The following ART1 variants were observed in gnomAD, a reference collection of about 807,000 sequenced individuals.
ART1 encodes GPI-linked NAD(P)(+)--arginine ADP-ribosyltransferase 1.
In ART1, 29 loss-of-function variants were observed where a neutral mutation model predicts 27.0. That is an observed-to-expected ratio of 1.08 (90% CI 0.80 to 1.47). The LOEUF is 1.47. Among genes scored for constraint, ART1 ranks in the 40% most tolerant of loss-of-function variants. The pLI is 0.00. For missense variants in ART1, 480 were observed against 423.0 expected (o/e 1.13, Z -1.18); for synonymous variants, 201 against 172.2 (o/e 1.17, Z -1.31).
Position 3,663,081 on chromosome 11 carries a change from C to CA in ART1, c.887-1011_887-1010insA, listed in dbSNP as rs770791471. Among the ~76,000 whole-genome samples, 164 of 92,878 alleles carry CA rather than the reference C, an allele frequency of 1.8e-3. 2 individuals are homozygous for CA. The highest frequency in any genetic ancestry group is 0.01 in the Middle Eastern group (2 of 192). The allele number at this position is 92,878 out of a possible 152,430, so 60.9% of individuals were successfully genotyped here. A position where few individuals can be genotyped will look rare whatever the true frequency, so the allele number is the denominator to read the frequency against. The stretch of plus-strand genomic sequence containing the variant: ...ATCTCATCTCATCTCATCTCATCAT[C>CA]TCATCTCATCATCTCATCTCATCTC... On this transcript the variant is annotated intron_variant, in intron 4 of 4. Coordinates refer to ENST00000250693, the MANE Select transcript of ART1 (RefSeq NM_004314.3).
chr11:3,657,444 G>A (rs987849152), intron 1 of ART1, among the ~76,000 whole-genome samples: 1 of 152,080 alleles, frequency 6.6e-6, no homozygotes, highest in African/African-American at 2.4e-5. Context: ...GCATCGTGAT[G>A]TGTGCCTGTA....
chr11:3,651,104 C>G (rs1385839730), intron 1 of ART1, among the ~76,000 whole-genome samples: 1 of 151,830 alleles, frequency 6.6e-6, no homozygotes, highest in East Asian at 1.9e-4. Context: ...AATTGTTTTG[C>G]CTATCCACCC....
intron 1 of ART1, among the ~76,000 whole-genome samples, chr11:3,651,197 T>C (rs2077519298): frequency 7.0e-6 from 1 of 143,624 alleles, no homozygotes; most frequent in African/African-American, 2.6e-5. Flanking sequence ...CAAACATGCT[T>C]TCTTTACTAT....
At chr11:3,652,803 C>T (rs1426648114) in intron 1 of ART1, among the ~76,000 whole-genome samples, 2 of 151,156 alleles carry the variant, frequency 1.3e-5, no homozygotes, top group African/African-American at 2.5e-5. Context: ...GGTGCTATCC[C>T]CAAACTGCCA....
rs533500779 is a variant in ART1 at position 3,664,342 on chromosome 11, A to G, written c.*153A>G. 1 of 698,526 alleles carries G rather than the reference A, an allele frequency of 1.4e-6. No individual in the cohort carries two copies. Among genetic ancestry groups the G allele is most frequent in the East Asian group, 2.7e-5 (1 of 37,670 alleles). The allele number at this position is 698,526 out of a possible 1,614,324, so 43.3% of individuals were successfully genotyped here. A position where few individuals can be genotyped will look rare whatever the true frequency, so the allele number is the denominator to read the frequency against. ...TAGCTGCCAGACCGGCTGGTGGAGA[A>G]ACAGGAGACAATCTGGGGACTGAAC... On this transcript the variant is annotated 3_prime_UTR_variant, in exon 5 of 5. Coordinates refer to ENST00000250693, the MANE Select transcript of ART1 (RefSeq NM_004314.3).
At chr11:3,647,698 C>A (rs2077480593) in intron 1 of ART1, among the ~76,000 whole-genome samples, 1 of 151,830 alleles carries the variant, frequency 6.6e-6, no homozygotes, top group Admixed American at 6.6e-5. Flanking sequence ...TACACAGAAA[C>A]TTGGAAGTGA....
At chr11:3,653,795 G>C (rs370171689) in intron 1 of ART1, among the ~76,000 whole-genome samples, 2,994 of 144,992 alleles carry the variant, frequency 0.021, 56 homozygotes, top group South Asian at 0.082. Context: ...TCCTACCTCT[G>C]TCTATCCTCA....
intron 1 of ART1, among the ~76,000 whole-genome samples, chr11:3,650,555 G>C (rs891706282): frequency 1.3e-5 from 2 of 152,164 alleles, no homozygotes; most frequent in African/African-American, 2.4e-5. Context: ...TCAAGGGCTT[G>C]TTTCCCTTGC....
At chr11:3,659,405 G>A (rs2077599429) in intron 2 of ART1, 129 bp downstream of exon 2, 2 of 1,429,002 alleles carry the variant, frequency 1.4e-6, no homozygotes, top group Non-Finnish European at 1.9e-6. Flanking sequence ...TCAGCCCAAG[G>A]GGACAGCTCC....
chr11:3,647,094 G>A (rs1056724169), intron 1 of ART1, among the ~76,000 whole-genome samples: 1 of 152,122 alleles, frequency 6.6e-6, no homozygotes, highest in South Asian at 2.1e-4. Context: ...GCCGAGGCGG[G>A]CAGCGGATCA....
intron 4 of ART1, 24 bp from the exon 5 acceptor site, chr11:3,664,068 C>A (rs1211354089): frequency 1.9e-6 from 3 of 1,611,114 alleles, no homozygotes; most frequent in Non-Finnish European, 8.5e-7. Flanking sequence ...TCTCCCCCAA[C>A]CTCTCTGCCT....
intron 1 of ART1, among the ~76,000 whole-genome samples, chr11:3,647,334 C>CA (rs1266246028): frequency 7.7e-6 from 1 of 130,182 alleles, no homozygotes; most frequent in Non-Finnish European, 1.6e-5. Context: ...AAAAACAAAA[C>CA]AAAACAAAAA....
intron 1 of ART1, among the ~76,000 whole-genome samples, chr11:3,649,034 C>G (rs192684998): frequency 4.6e-5 from 7 of 151,920 alleles, no homozygotes; most frequent in African/African-American, 7.2e-5. Flanking sequence ...GACCTCTTAT[C>G]TCTGCGCCCA....
chr11:3,645,491 C>T (rs887720383), intron 1 of ART1, among the ~76,000 whole-genome samples: 2 of 152,156 alleles, frequency 1.3e-5, no homozygotes, highest in African/African-American at 4.8e-5. Flanking sequence ...AGGAATTGCT[C>T]AGCATCCCCA....
intron 4 of ART1, among the ~76,000 whole-genome samples, chr11:3,662,955 C>G (rs568301504): frequency 1.8e-4 from 27 of 152,344 alleles, no homozygotes; most frequent in Middle Eastern, 3.4e-3. Context: ...GCTCAAGAGC[C>G]AAACTCTGAA....
Position 3,664,396 on chromosome 11 carries a change from T to G in ART1, c.*207T>G. On this transcript the variant is annotated 3_prime_UTR_variant, in exon 5 of 5. Transcript: ENST00000250693. ...ACCCAGGGCTGTAGGAGTGAGACTC[T>G]GAATAAAGGGTTGGGCCGGCGGTGT... 1 of 549,266 alleles carries G rather than the reference T, an allele frequency of 1.8e-6. No individual in the cohort carries two copies. Among genetic ancestry groups the G allele is most frequent in the Non-Finnish European group, 3.2e-6 (1 of 307,952 alleles). The allele number at this position is 549,266 out of a possible 1,614,324, so 34.0% of individuals were successfully genotyped here.
chr11:3,655,129 G>A (rs1176483632), intron 1 of ART1, among the ~76,000 whole-genome samples: 1 of 152,196 alleles, frequency 6.6e-6, no homozygotes, highest in East Asian at 1.9e-4. Flanking sequence ...GGCTCAGCTG[G>A]GGTCTTCCTT....
chr11:3,653,406 G>C (rs1026287989), intron 1 of ART1, among the ~76,000 whole-genome samples: 2 of 147,940 alleles, frequency 1.4e-5, no homozygotes, highest in Non-Finnish European at 2.9e-5. Flanking sequence ...GCTCATCCTG[G>C]CTCAAAAGCT....
chr11:3,658,274 A>C (rs1405759834), intron 1 of ART1, among the ~76,000 whole-genome samples: 1 of 150,968 alleles, frequency 6.6e-6, no homozygotes, highest in African/African-American at 2.4e-5. Context: ...TGGAGGATGC[A>C]GTGCGCCGAG....
Sources: allele counts gnomAD v4.1 joint callset (sites outside exome capture counted in the v4.1 genomes callset), GRCh38; gene constraint gnomAD v4.1.1; transcripts MANE v1.5; gene names NCBI Gene and HGNC (gene_info 2026-07-23, HGNC 2026-07-21).